MACROD2: variants seen among roughly 807,000 people sequenced by gnomAD.
MACROD2 encodes mono-ADP ribosylhydrolase 2.
A neutral mutation model predicts 70.4 loss-of-function variants in MACROD2; 36 were observed. That is an observed-to-expected ratio of 0.51 (90% CI 0.39 to 0.68). MACROD2 has a LOEUF of 0.68. Ranked by LOEUF, MACROD2 falls within the 30% of genes least tolerant of loss-of-function variation. MACROD2 has a pLI of 0.00. For synonymous variants in MACROD2, 172 were observed against 178.8 expected, an observed-to-expected ratio of 0.96 and a Z score of 0.30; for missense variants, 496 against 538.4, an observed-to-expected ratio of 0.92 and a Z score of 0.78.
In MACROD2 at chr20:14,046,252, A is replaced by G. The variant is rs8125682; in HGVS notation, c.164-39369A>G. ...GACTGGCAGCAGACCTCTAAACTAT[A>G]ACAATGAATGGTAGAGATCATAGAG... is the stretch of plus-strand genomic sequence containing the variant. On this transcript the variant is annotated intron_variant, in intron 2 of 17. Transcript: ENST00000684519. 7.8e-3 allele frequency among the ~76,000 whole-genome samples: 1,185 copies of G among 152,334 alleles called. 18 individuals carry two copies. Among genetic ancestry groups the G allele is most frequent in the African/African-American group, 0.027 (1,103 of 41,588 alleles).
chr20:15,671,256 GC>G (rs1336661717), intron 8 of MACROD2, among the ~76,000 whole-genome samples: 2 of 152,142 alleles, frequency 1.3e-5, no homozygotes, highest in East Asian at 3.9e-4. Context: ...CAGCAAGATG[GC>G]AAGCCCCAAT....
intron 8 of MACROD2, among the ~76,000 whole-genome samples, chr20:15,680,454 C>T (rs1259098467): frequency 1.3e-5 from 2 of 152,030 alleles, no homozygotes; most frequent in East Asian, 1.9e-4. Flanking sequence ...ATAGAATACC[C>T]GACCTATATC....
rs1319682383 is a variant in MACROD2, at chr20:14,467,172, G to A, written c.272-26307G>A. 2.0e-5 allele frequency among the ~76,000 whole-genome samples: 3 copies of A among 152,268 alleles called. No homozygotes were observed. In the East Asian group the frequency reaches 5.8e-4, roughly 29 times the overall value. ...GGCAGGCAGGCCTCCTTGAGCTGTG[G>A]TGGGCTCCACCCAGTTCGAGCTTCC... On this transcript the variant is annotated intron_variant, in intron 3 of 17. Transcript: ENST00000684519.
In MACROD2 at chr20:14,720,492, G is replaced by C. The variant is rs1039391994; in HGVS notation, c.418+35533G>C. ...TTAGCATTTTGGCCTAAAGGTAGTA[G>C]ATTTATGGTTTTTAGCCTGTTTCAT... On this transcript the variant is annotated intron_variant, in intron 5 of 17. Transcript: ENST00000684519. Among the ~76,000 whole-genome samples, 32 of 123,338 alleles carry C rather than the reference G, an allele frequency of 2.6e-4. 2 individuals carry two copies. The highest frequency in any genetic ancestry group is 2.4e-3 in the Admixed American group (29 of 11,916). The allele number at this position is 123,338 out of a possible 152,430, so 80.9% of individuals were successfully genotyped here.
chr20:15,344,811 A>G (rs1202174594), intron 6 of MACROD2, among the ~76,000 whole-genome samples: 1 of 152,266 alleles, frequency 6.6e-6, no homozygotes, highest in Non-Finnish European at 1.5e-5. Context: ...TTAGTGAGTT[A>G]TTCAATCTGA....
At chr20:15,272,166 AAG>A (rs1196412704) in intron 6 of MACROD2, among the ~76,000 whole-genome samples, 2 of 152,238 alleles carry the variant, frequency 1.3e-5, no homozygotes, top group Non-Finnish European at 2.9e-5. Context: ...TTTGCTAAAA[AAG>A]GGAAATTTGA....
intron 8 of MACROD2, among the ~76,000 whole-genome samples, chr20:15,582,913 A>G (rs549094961): frequency 6.6e-6 from 1 of 152,300 alleles, no homozygotes; most frequent in East Asian, 1.9e-4. Flanking sequence ...AGTAGAAAAT[A>G]TCTCCTGGAG....
chr20:14,435,934 T>G (rs1001858245), intron 3 of MACROD2, among the ~76,000 whole-genome samples: 9 of 152,150 alleles, frequency 5.9e-5, no homozygotes, highest in Non-Finnish European at 1.0e-4. Flanking sequence ...CTTGAACTCC[T>G]GGTCTCAACG....
At chr20:14,027,044 G>A (rs1286129891) in intron 2 of MACROD2, among the ~76,000 whole-genome samples, 1 of 152,184 alleles carries the variant, frequency 6.6e-6, no homozygotes, top group African/African-American at 2.4e-5. Context: ...ACCTCATACA[G>A]GAGAGTCCTT....
chr20:15,716,231 C>T (rs955892617), intron 8 of MACROD2, among the ~76,000 whole-genome samples: 2 of 152,100 alleles, frequency 1.3e-5, no homozygotes, highest in African/African-American at 4.8e-5. Context: ...ATTTAAATAA[C>T]GTTATTTGGC....
intron 5 of MACROD2, among the ~76,000 whole-genome samples, chr20:14,939,799 T>C (rs1048198332): frequency 2.6e-5 from 4 of 152,098 alleles, no homozygotes; most frequent in African/African-American, 9.7e-5. Context: ...TTTATAGTTT[T>C]CTTTGTATAG....
chr20:14,143,200 A>G (rs1250655430), intron 3 of MACROD2, among the ~76,000 whole-genome samples: 1 of 152,218 alleles, frequency 6.6e-6, no homozygotes, highest in Non-Finnish European at 1.5e-5. Flanking sequence ...ATATGTATTA[A>G]TCTGTAGTTT....
At chr20:15,247,078 CT>C (rs1007982433) in intron 6 of MACROD2, among the ~76,000 whole-genome samples, 2 of 151,934 alleles carry the variant, frequency 1.3e-5, no homozygotes, top group African/African-American at 2.4e-5. Context: ...AATAGGGTAT[CT>C]TTTTTGAGGT....
At chr20:14,651,507 T>A (rs549371899) in intron 4 of MACROD2, among the ~76,000 whole-genome samples, 1 of 152,164 alleles carries the variant, frequency 6.6e-6, no homozygotes, top group African/African-American at 2.4e-5. Context: ...CAAGGTTATA[T>A]AGGAGTAATA....
intron 5 of MACROD2, among the ~76,000 whole-genome samples, chr20:15,186,916 C>T (rs77898912): frequency 0.03 from 4,613 of 152,280 alleles, 227 homozygotes; most frequent in African/African-American, 0.11. Flanking sequence ...CTAATCATGA[C>T]GCATATTTTA....
intron 8 of MACROD2, among the ~76,000 whole-genome samples, chr20:15,764,860 G>A (rs1453574154): frequency 6.6e-6 from 1 of 152,122 alleles, no homozygotes; most frequent in Non-Finnish European, 1.5e-5. Context: ...AGCCTACGAT[G>A]ACCTTTATGA....
At position 14,127,419 on chromosome 20, in the gene MACROD2, T is replaced by G. The variant is rs186969647; in HGVS notation, c.271+41691T>G. 423 of 457,310 alleles carry G rather than the reference T, an allele frequency of 9.2e-4. 2 individuals are homozygous for G. Among genetic ancestry groups the G allele is most frequent in the Middle Eastern group, 3.7e-3 (6 of 1,630 alleles). The allele number at this position is 457,310 out of a possible 1,614,324, so 28.3% of individuals were successfully genotyped here. On this transcript the variant is annotated intron_variant, in intron 3 of 17. Coordinates refer to ENST00000684519, the MANE Select transcript of MACROD2 (RefSeq NM_001351661.2). The stretch of plus-strand genomic sequence containing the variant: ...CACTGCTTCATGATTTTCTGTTGTC[T>G]CTTGGCAAAAATGGCAAATAATGAT...
At chr20:15,898,522 G>A (rs1046543957) in intron 10 of MACROD2, among the ~76,000 whole-genome samples, 8 of 134,698 alleles carry the variant, frequency 5.9e-5, no homozygotes, top group African/African-American at 2.2e-4. Context: ...CTGCACTCCA[G>A]CCTGGGCCAC....
At chr20:14,456,001 A>G (rs1176959823) in intron 3 of MACROD2, among the ~76,000 whole-genome samples, 3 of 151,876 alleles carry the variant, frequency 2.0e-5, no homozygotes, top group Non-Finnish European at 2.9e-5. Flanking sequence ...ATGAGGAACA[A>G]TAGAACAAAT....
Sources: allele counts gnomAD v4.1 joint callset (sites outside exome capture counted in the v4.1 genomes callset), GRCh38; gene constraint gnomAD v4.1.1; transcripts MANE v1.5; gene names NCBI Gene and HGNC (gene_info 2026-07-23, HGNC 2026-07-21).